PDLIM5: variants seen among roughly 807,000 people sequenced by gnomAD.
The protein encoded by PDLIM5 is PDZ and LIM domain protein 5.
In PDLIM5, 34 loss-of-function variants were observed where a neutral mutation model predicts 64.2. That is an observed-to-expected ratio of 0.53 (90% CI 0.40 to 0.71). The LOEUF (loss-of-function observed/expected upper bound fraction) is 0.71, where lower values mean the gene tolerates loss of function less well. Ranked by LOEUF, PDLIM5 falls within the 30% of genes least tolerant of loss-of-function variation. The probability of loss-of-function intolerance (pLI) is 0.00; values close to 1 mark genes in which losing one functional copy is unlikely to be tolerated. For synonymous variants in PDLIM5, 253 were observed against 269.1 expected (o/e 0.94, Z 0.59); for missense variants, 683 against 733.6 (o/e 0.93, Z 0.80).
At chr4:94,465,263 AATAATAATG>A (rs1307050457) in intron 2 of PDLIM5, among the ~76,000 whole-genome samples, 1 of 152,136 alleles carries the variant, frequency 6.6e-6, no homozygotes, top group African/African-American at 2.4e-5. Context: ...TCCTGTATTA[AATAATAATG>A]ATAATAATGA....
chr4:94,527,352 G>A lies in PDLIM5; in HGVS notation c.248+3477G>A, dbSNP rs185080560. Among the ~76,000 whole-genome samples the A allele has an allele frequency of 2.6e-5, 4 of 152,126 alleles. No homozygotes were observed. The East Asian group carries it at 7.8e-4, about 30-fold the overall frequency. ...TTACAGGCATGAGTCACCACGCGTG[G>A]CCCTGAACAGCATTCTTAATTGTCC... On this transcript the variant is annotated intron_variant, in intron 3 of 12. Transcript: ENST00000317968.
At chr4:94,606,083 CT>C (rs1737892767) in intron 7 of PDLIM5, among the ~76,000 whole-genome samples, 1 of 152,054 alleles carries the variant, frequency 6.6e-6, no homozygotes, top group Non-Finnish European at 1.5e-5. Flanking sequence ...GGTACAAATA[CT>C]TTTCAATTTA....
intron 9 of PDLIM5, among the ~76,000 whole-genome samples, chr4:94,643,551 T>C (rs1447001050): frequency 1.3e-5 from 2 of 152,314 alleles, no homozygotes; most frequent in East Asian, 1.9e-4. Flanking sequence ...TTAAAATCTA[T>C]TGACCATTTG....
chr4:94,662,558 T>C, intron 12 of PDLIM5, 21 bp downstream of exon 12: 1 of 1,180,788 alleles, frequency 8.5e-7, no homozygotes, highest in Non-Finnish European at 1.3e-6. Flanking sequence ...TCTTATTTCC[T>C]AATTAAAGGG....
chr4:94,464,143 GT>G (rs1724139519), intron 2 of PDLIM5, among the ~76,000 whole-genome samples: 1 of 152,110 alleles, frequency 6.6e-6, no homozygotes, highest in South Asian at 2.1e-4. Context: ...GATGAGAAGA[GT>G]TTTGAATTAG....
intron 3 of PDLIM5, among the ~76,000 whole-genome samples, chr4:94,563,958 CT>C (rs796820308): frequency 0.3 from 36,043 of 119,024 alleles, 5,663 homozygotes; most frequent in African/African-American, 0.6. Flanking sequence ...TTCTTTCTTT[CT>C]TTTTTTTTTT....
intron 3 of PDLIM5, among the ~76,000 whole-genome samples, chr4:94,560,724 G>GTTTGTTTTGT (rs752353983): frequency 6.6e-6 from 1 of 152,018 alleles, no homozygotes; most frequent in South Asian, 2.1e-4. Flanking sequence ...AGACTTAGAT[G>GTTTGTTTTGT]TTTGTTTTGT....
In PDLIM5 at chr4:94,618,134, C is replaced by T. The variant is rs1179075912; in HGVS notation, c.1051C>T (p.Pro351Ser). The change falls in exon 8 of 13, where the codon CCT (proline) becomes TCT (serine). Residue 351 changes from proline to serine, a missense_variant. Pro to Ser is a moderately conservative substitution (Grantham distance 74, BLOSUM62 -1). Transcript: ENST00000317968. ...CCTCACAGCTGCAGCTGCCTTCAAG[C>T]CTGTAGGATCCACTGGCGTCATCAA... ...TSLTAAAAFK[P>S]VGSTGVIKSP... is the part of the protein sequence containing the mutation. The T allele has an allele frequency of 6.2e-7, 1 of 1,611,622 alleles. No homozygotes were observed. The highest frequency in any genetic ancestry group is 1.1e-5 in the South Asian group (1 of 90,492).
intron 2 of PDLIM5, among the ~76,000 whole-genome samples, chr4:94,480,351 G>A (rs940918453): frequency 1.3e-5 from 2 of 152,208 alleles, no homozygotes; most frequent in Non-Finnish European, 2.9e-5. Context: ...CACTCTAGAT[G>A]TTTTCAACAG....
At chr4:94,473,304 G>A (rs992731522) in intron 2 of PDLIM5, among the ~76,000 whole-genome samples, 9 of 151,938 alleles carry the variant, frequency 5.9e-5, no homozygotes, top group African/African-American at 1.2e-4. Flanking sequence ...CTCTGTTGCC[G>A]AGGCTGGAGT....
chr4:94,545,230 G>A (rs1247142023), intron 3 of PDLIM5, among the ~76,000 whole-genome samples: 4 of 152,292 alleles, frequency 2.6e-5, no homozygotes, highest in South Asian at 2.1e-4. Context: ...TAACTCTAAT[G>A]TAGCAATAAA....
chr4:94,632,130 T>A (rs954528511), intron 8 of PDLIM5, among the ~76,000 whole-genome samples: 2 of 152,260 alleles, frequency 1.3e-5, no homozygotes, highest in African/African-American at 4.8e-5. Flanking sequence ...TTCTGGCAGT[T>A]ATCCCACTAT....
At chr4:94,507,922 G>T (rs1728530807) in intron 2 of PDLIM5, among the ~76,000 whole-genome samples, 2 of 152,088 alleles carry the variant, frequency 1.3e-5, no homozygotes, top group Non-Finnish European at 2.9e-5. Flanking sequence ...CTCCCTCCTT[G>T]GTATGGACTT....
In PDLIM5 at chr4:94,577,188, G is replaced by A. The variant is rs554541020; in HGVS notation, c.710+1154G>A. ...GAAGACAAAGGGAAATAGTCTACAG[G>A]CCTGATGGTTTTTACCAATGCCAGT... is the stretch of plus-strand genomic sequence containing the variant. On this transcript the variant is annotated intron_variant, in intron 5 of 12. Transcript: ENST00000317968. The A allele has an allele frequency of 1.4e-4, 62 of 457,174 alleles. No individual in the cohort carries two copies. In the East Asian group the frequency reaches 4.1e-3, roughly 30 times the overall value. The allele number at this position is 457,174 out of a possible 1,614,324, so 28.3% of individuals were successfully genotyped here.
intron 7 of PDLIM5, among the ~76,000 whole-genome samples, chr4:94,606,024 C>G (rs1737888208): frequency 6.6e-6 from 1 of 151,572 alleles, no homozygotes; most frequent in African/African-American, 2.4e-5. Flanking sequence ...ATCATGTGTC[C>G]ACTTAGGCAA....
chr4:94,602,394 C>G (rs1737574768), intron 7 of PDLIM5, among the ~76,000 whole-genome samples: 1 of 152,124 alleles, frequency 6.6e-6, no homozygotes, highest in South Asian at 2.1e-4. Context: ...CCATCAAAAT[C>G]TGGATGACCC....
chr4:94,531,973 T>G (rs1404387753), intron 3 of PDLIM5, among the ~76,000 whole-genome samples: 2 of 152,098 alleles, frequency 1.3e-5, no homozygotes, highest in Non-Finnish European at 2.9e-5. Context: ...GGCCACTAGA[T>G]AGAAACATTC....
chr4:94,643,845 A>G (rs1304195832), intron 9 of PDLIM5, among the ~76,000 whole-genome samples: 6 of 152,152 alleles, frequency 3.9e-5, no homozygotes, highest in Admixed American at 2.6e-4. Flanking sequence ...CCAAGGAAAA[A>G]CATGCATAAT....
chr4:94,589,647 T>G (rs1188149540), intron 7 of PDLIM5, among the ~76,000 whole-genome samples: 1 of 152,240 alleles, frequency 6.6e-6, no homozygotes, highest in Non-Finnish European at 1.5e-5. Context: ...CAGACTTTCT[T>G]CATTATAGGC....
Sources: allele counts gnomAD v4.1 joint callset (sites outside exome capture counted in the v4.1 genomes callset), GRCh38; gene constraint gnomAD v4.1.1; transcripts MANE v1.5; gene names NCBI Gene and HGNC (gene_info 2026-07-23, HGNC 2026-07-21).